The following LIN7A variants were observed in gnomAD, a reference collection of about 807,000 sequenced individuals.
LIN7A encodes lin-7 cell polarity scaffold A.
A neutral mutation model predicts 29.8 loss-of-function variants in LIN7A; 25 were observed. That is an observed-to-expected ratio of 0.84 (90% CI 0.61 to 1.17). The LOEUF (loss-of-function observed/expected upper bound fraction) is 1.17. Ranked by LOEUF, LIN7A falls within the 50% of genes most tolerant of loss-of-function variation. LIN7A has a pLI of 0.00. For missense variants in LIN7A, 239 were observed against 287.0 expected (o/e 0.83, Z 1.21); for synonymous variants, 118 against 107.5 (o/e 1.10, Z -0.60).
At chr12:80,825,476 C>G (rs370675191) in intron 4 of LIN7A, among the ~76,000 whole-genome samples, 43 of 152,302 alleles carry the variant, frequency 2.8e-4, no homozygotes, top group African/African-American at 1.0e-3. Flanking sequence ...TGATTGAGAT[C>G]CCTCAGAATA....
chr12:80,842,786 C>T (rs1017402579), intron 4 of LIN7A, among the ~76,000 whole-genome samples: 4 of 152,090 alleles, frequency 2.6e-5, no homozygotes, highest in Admixed American at 2.0e-4. Context: ...CTCTTATTTA[C>T]AGAAAACTGC....
chr12:80,820,277 GA>G (rs1328272179), intron 4 of LIN7A, among the ~76,000 whole-genome samples: 23 of 151,628 alleles, frequency 1.5e-4, no homozygotes, highest in Admixed American at 1.4e-3. Context: ...GAGGTTAATG[GA>G]AAAAAAAGTG....
At chr12:80,921,221 A>G (rs1017049905) in intron 1 of LIN7A, among the ~76,000 whole-genome samples, 1 of 152,066 alleles carries the variant, frequency 6.6e-6, no homozygotes, top group Non-Finnish European at 1.5e-5. Flanking sequence ...GGCCCTAAAC[A>G]GACATGGAAT....
At chr12:80,801,017 A>T (rs1381241295) in intron 5 of LIN7A, among the ~76,000 whole-genome samples, 1 of 152,060 alleles carries the variant, frequency 6.6e-6, no homozygotes, top group Non-Finnish European at 1.5e-5. Flanking sequence ...TTTAATTTTT[A>T]AAAATCAGGT....
At chr12:80,924,594 T>G (rs1272477800) in intron 1 of LIN7A, among the ~76,000 whole-genome samples, 1 of 152,162 alleles carries the variant, frequency 6.6e-6, no homozygotes, top group Non-Finnish European at 1.5e-5. Context: ...ATGGCTAGGA[T>G]GAAGCAGGGA....
intron 2 of LIN7A, among the ~76,000 whole-genome samples, chr12:80,850,572 T>C (rs1356024579): frequency 6.6e-6 from 1 of 152,100 alleles, no homozygotes; most frequent in Non-Finnish European, 1.5e-5. Flanking sequence ...GGAGGCATTT[T>C]TGGTTGTCAT....
chr12:80,928,014 A>G (rs1039945513), intron 1 of LIN7A, among the ~76,000 whole-genome samples: 3 of 152,100 alleles, frequency 2.0e-5, no homozygotes, highest in African/African-American at 7.2e-5. Context: ...AGCTTCATCC[A>G]TGTCCCTGCA....
rs1232960631 is a variant in LIN7A, at chr12:80,852,162, T to C, written c.202-3840A>G. ...GTTTTTTAAGTGAAAAATTTCCATT[T>C]TATTTTTCTTTATATTTAAATGAAA... On this transcript the variant is annotated intron_variant, in intron 2 of 5. Coordinates refer to ENST00000552864, the MANE Select transcript of LIN7A (RefSeq NM_004664.4). Among the ~76,000 whole-genome samples the C allele has an allele frequency of 6.6e-5, 10 of 152,174 alleles. No homozygotes were observed. In the East Asian group the frequency reaches 1.9e-3, roughly 29 times the overall value.
chr12:80,853,874 A>G (rs1278818057), intron 2 of LIN7A, among the ~76,000 whole-genome samples: 1 of 152,022 alleles, frequency 6.6e-6, no homozygotes, highest in Admixed American at 6.6e-5. Flanking sequence ...TTGTATTTTT[A>G]ATAGAGACGG....
chr12:80,882,123 T>C (rs1017148819), intron 2 of LIN7A, among the ~76,000 whole-genome samples: 91 of 152,108 alleles, frequency 6.0e-4, no homozygotes, highest in African/African-American at 2.1e-3. Flanking sequence ...ATTTTTTGAA[T>C]GATCAAGAAC....
chr12:80,888,962 G>A (rs1232147311), intron 2 of LIN7A, among the ~76,000 whole-genome samples: 1 of 151,964 alleles, frequency 6.6e-6, no homozygotes, highest in Non-Finnish European at 1.5e-5. Flanking sequence ...ATTTCTAGGT[G>A]GCTTCATGTG....
intron 1 of LIN7A, chr12:80,937,202 C>G (rs948281643): frequency 6.2e-6 from 1 of 161,550 alleles, no homozygotes; most frequent in Non-Finnish European, 1.3e-5. Context: ...CTTCCTTCCT[C>G]CCGGGCCCCT....
At chr12:80,923,968 GATTA>G (rs1877447319) in intron 1 of LIN7A, among the ~76,000 whole-genome samples, 3 of 152,166 alleles carry the variant, frequency 2.0e-5, no homozygotes, top group South Asian at 2.1e-4. Flanking sequence ...TTATTGTGAA[GATTA>G]ATTAAAATGA....
chr12:80,929,578 A>G (rs1423849617), intron 1 of LIN7A, among the ~76,000 whole-genome samples: 1 of 152,162 alleles, frequency 6.6e-6, no homozygotes, highest in Non-Finnish European at 1.5e-5. Context: ...TGTCTGTGAG[A>G]GTTGTGGGGT....
chr12:80,838,804 G>A (rs1215735671), intron 4 of LIN7A, among the ~76,000 whole-genome samples: 2 of 152,164 alleles, frequency 1.3e-5, no homozygotes, highest in Non-Finnish European at 2.9e-5. Flanking sequence ...ACTGAAGACT[G>A]AGCTTCTGTC....
chr12:80,807,134 C>T (rs1039788315), intron 5 of LIN7A, among the ~76,000 whole-genome samples: 2 of 128,256 alleles, frequency 1.6e-5, no homozygotes, highest in South Asian at 2.5e-4. Flanking sequence ...TGCAGTGGCG[C>T]GATCTTGGCT....
intron 4 of LIN7A, among the ~76,000 whole-genome samples, chr12:80,813,725 A>C (rs2121514223): frequency 6.6e-6 from 1 of 152,294 alleles, no homozygotes; most frequent in East Asian, 1.9e-4. Context: ...AAAAGAAGAA[A>C]GTTGTAATTA....
chr12:80,832,980 A>G (rs1314448027), intron 4 of LIN7A, among the ~76,000 whole-genome samples: 2 of 152,254 alleles, frequency 1.3e-5, no homozygotes, highest in South Asian at 2.1e-4. Context: ...GGCCTCCCCC[A>G]GAAAGAATTA....
chr12:80,857,874 G>A (rs759182259), intron 2 of LIN7A, among the ~76,000 whole-genome samples: 14 of 152,122 alleles, frequency 9.2e-5, no homozygotes, highest in Non-Finnish European at 2.1e-4. Context: ...TAATGAGAAG[G>A]ACACATGAGA....
Sources: allele counts gnomAD v4.1 joint callset (sites outside exome capture counted in the v4.1 genomes callset), GRCh38; gene constraint gnomAD v4.1.1; transcripts MANE v1.5; gene names NCBI Gene and HGNC (gene_info 2026-07-23, HGNC 2026-07-21).